B3GAT1: variants seen among roughly 807,000 people sequenced by gnomAD.
B3GAT1 encodes the protein beta-1,3-glucuronyltransferase 1.
In B3GAT1, 11 loss-of-function variants were observed where a neutral mutation model predicts 28.4. That is an observed-to-expected ratio of 0.39 (90% CI 0.24 to 0.64). The LOEUF is 0.64. B3GAT1 is among the 30% of genes least tolerant of loss of function. B3GAT1 has a pLI of 0.50. For synonymous variants in B3GAT1, 255 were observed against 223.1 expected, an observed-to-expected ratio of 1.14 and a Z score of -1.27; for missense variants, 375 against 491.0, an observed-to-expected ratio of 0.76 and a Z score of 2.23.
intron 1 of B3GAT1, among the ~76,000 whole-genome samples, chr11:134,403,726 GA>G (rs1029331752): frequency 5.9e-5 from 9 of 152,018 alleles, no homozygotes; most frequent in African/African-American, 2.2e-4. Context: ...AGAAAATGTG[GA>G]ATACACATGC....
At position 134,383,540 on chromosome 11, in the gene B3GAT1, T is replaced by A. The variant is rs1261818633; in HGVS notation, c.621+140A>T. The A allele has an allele frequency of 4.3e-6, 5 of 1,168,054 alleles. No individual in the cohort carries two copies. The East Asian group carries it at 1.1e-4, about 25-fold the overall frequency. The allele number at this position is 1,168,054 out of a possible 1,614,324, so 72.4% of individuals were successfully genotyped here. A position where few individuals can be genotyped will look rare whatever the true frequency, so the allele number is the denominator to read the frequency against. On this transcript the variant is annotated intron_variant, in intron 3 of 5. Coordinates refer to ENST00000312527, the MANE Select transcript of B3GAT1 (RefSeq NM_054025.3). ...CCGCAGTTCCATCCCTTTCCCTGGC[T>A]CTCTGCTGCCTGCCCCGCTCCCAGC...
At chr11:134,392,651 A>T (rs1049351642) in intron 1 of B3GAT1, among the ~76,000 whole-genome samples, 2 of 152,170 alleles carry the variant, frequency 1.3e-5, no homozygotes, top group African/African-American at 4.8e-5. Context: ...GATTACAGGT[A>T]TGAGCCATGG....
rs2136303955 is a variant in B3GAT1, at chr11:134,383,757, G to A, written c.544C>T (p.Pro182Ser). Residue 182 changes from proline to serine, a missense_variant, in exon 3 of 6, where the codon CCG becomes TCG. Physicochemically the swap from Pro to Ser is moderately conservative, Grantham distance 74. Coordinates refer to ENST00000312527, the MANE Select transcript of B3GAT1 (RefSeq NM_054025.3). ...LALRWLRETF[P>S]RNSSQPGVVY... ...ACGCCAGGCTGGCTGGAGTTGCGCG[G>A]GAAGGTCTCGCGCAGCCAGCGCAGG... 7 of 1,595,970 alleles carry A rather than the reference G, an allele frequency of 4.4e-6. No individual in the cohort carries two copies. Among genetic ancestry groups the A allele is most frequent in the Non-Finnish European group, 5.1e-6 (6 of 1,169,936 alleles).
In B3GAT1 at chr11:134,384,000, C is replaced by T. The variant is rs750508903; in HGVS notation, c.301G>A (p.Glu101Lys). The T allele has an allele frequency of 1.2e-6, 2 of 1,604,696 alleles. No homozygotes were observed. The highest frequency in any genetic ancestry group is 1.7e-6 in the Non-Finnish European group (2 of 1,178,944). ...AGCGTGTTGGCCATGCGCGTCAGCT[C>T]GGCCTTCTGCACCGGGCGGCTGTAG... Reference protein sequence around the residue: ...PTYSRPVQKAELTRMANTLLH... With the variant: ...PTYSRPVQKAKLTRMANTLLH... The change falls in exon 3 of 6, where the codon GAG (glutamate) becomes AAG (lysine). Residue 101 changes from glutamate to lysine, a missense_variant. By Grantham distance (56) the Glu-to-Lys change is moderately conservative. Transcript: ENST00000312527.
Position 134,387,762 on chromosome 11 carries a change from G to A in B3GAT1, c.-103C>T. 6.4e-7 allele frequency: 1 copy of A among 1,558,880 alleles called. No individual in the cohort carries two copies. The highest frequency in any genetic ancestry group is 8.7e-7 in the Non-Finnish European group (1 of 1,154,000). ...GGCAGCACAGGGGAGAAAAGAACAG[G>A]CATGGGCCGGGCCGGCCAGGCATGG... On this transcript the variant is annotated 5_prime_UTR_variant, in exon 2 of 6. Transcript: ENST00000312527.
At chr11:134,394,177 G>T (rs1331784680) in intron 1 of B3GAT1, among the ~76,000 whole-genome samples, 1 of 152,214 alleles carries the variant, frequency 6.6e-6, no homozygotes, top group African/African-American at 2.4e-5. Context: ...CGACTGCAGA[G>T]GGCTGGGGAG....
At chr11:134,403,308 G>A (rs908163561) in intron 1 of B3GAT1, among the ~76,000 whole-genome samples, 1 of 152,178 alleles carries the variant, frequency 6.6e-6, no homozygotes, top group South Asian at 2.1e-4. Context: ...GAGAGCAGGA[G>A]GCTGGCATCC....
Position 134,381,859 on chromosome 11 carries a change from A to C in B3GAT1, c.*14+65T>G, listed in dbSNP as rs1944131181. The C allele has an allele frequency of 1.2e-5, 15 of 1,289,270 alleles. No individual in the cohort carries two copies. The South Asian group carries it at 1.7e-4, about 14-fold the overall frequency. 79.9% of individuals were successfully genotyped at this position (1,289,270 alleles called of 1,614,324 possible). On this transcript the variant is annotated intron_variant, in intron 5 of 5. Transcript: ENST00000312527. Reference sequence around the variant, plus strand: ...AAGCCCAAGAGGAAAAGAATGAGACAGTTGATTCGGCCCAACCTGGTGCCG... The same window carrying C: ...AAGCCCAAGAGGAAAAGAATGAGACCGTTGATTCGGCCCAACCTGGTGCCG...
chr11:134,396,571 T>A (rs1157707288), intron 1 of B3GAT1, among the ~76,000 whole-genome samples: 1 of 152,074 alleles, frequency 6.6e-6, no homozygotes, highest in Admixed American at 6.6e-5. Flanking sequence ...TTTTCCCATC[T>A]GTAAAACGGG....
chr11:134,398,024 C>A (rs1040816588), intron 1 of B3GAT1, among the ~76,000 whole-genome samples: 1 of 152,206 alleles, frequency 6.6e-6, no homozygotes, highest in African/African-American at 2.4e-5. Flanking sequence ...CTCCTCAATG[C>A]GTTGCTTGGA....
chr11:134,401,018 G>C (rs1204176518), intron 1 of B3GAT1, among the ~76,000 whole-genome samples: 3 of 152,206 alleles, frequency 2.0e-5, no homozygotes, highest in Non-Finnish European at 4.4e-5. Context: ...GATCATTAGA[G>C]AGATGCAAAT....
chr11:134,383,948 A>T lies in B3GAT1; in HGVS notation c.353T>A (p.Leu118Gln). 1 of 1,599,052 alleles carries T rather than the reference A, an allele frequency of 6.3e-7. No individual in the cohort carries two copies. Among genetic ancestry groups the T allele is most frequent in the Non-Finnish European group, 8.5e-7 (1 of 1,177,514 alleles). The change falls in exon 3 of 6, where the codon CTG (leucine) becomes CAG (glutamine). Residue 118 changes from leucine (L) to glutamine (Q), a missense_variant. Physicochemically the swap from Leu to Gln is moderately radical, Grantham distance 113 (BLOSUM62 -2). Coordinates refer to ENST00000312527, the MANE Select transcript of B3GAT1 (RefSeq NM_054025.3). Reference protein sequence around the residue: ...TLLHVPNLHWLVVEDAPRRTP... With the variant: ...TLLHVPNLHWQVVEDAPRRTP... ...CCGGCGCGGCGCATCCTCCACCACC[A>T]GCCAGTGGAGGTTGGGCACGTGCAG... is the stretch of plus-strand genomic sequence containing the variant.
intron 1 of B3GAT1, among the ~76,000 whole-genome samples, chr11:134,410,151 C>T (rs1034605380): frequency 5.9e-5 from 9 of 152,230 alleles, no homozygotes; most frequent in Admixed American, 2.0e-4. Flanking sequence ...CCTTGGTCTC[C>T]GCCACGGGCT....
intron 1 of B3GAT1, chr11:134,389,145 A>T (rs772594023): frequency 1.3e-5 from 2 of 152,268 alleles, no homozygotes; most frequent in Non-Finnish European, 2.9e-5. Context: ...AGTAATAGCC[A>T]TTCTGACTGG....
At chr11:134,398,619 A>G (rs1289703908) in intron 1 of B3GAT1, among the ~76,000 whole-genome samples, 1 of 152,226 alleles carries the variant, frequency 6.6e-6, no homozygotes, top group East Asian at 1.9e-4. Context: ...TCCCAGGTCC[A>G]GATAGAAAGC....
chr11:134,392,208 A>C (rs1477512840), intron 1 of B3GAT1: 1 of 152,156 alleles, frequency 6.6e-6, no homozygotes, highest in Admixed American at 6.6e-5. Context: ...CTGAGTCCTG[A>C]CTTAAGGGCC....
intron 2 of B3GAT1, 40 bp from the exon 3 acceptor site, chr11:134,384,228 C>T (rs61908688): frequency 2.6e-4 from 388 of 1,510,498 alleles, no homozygotes; most frequent in Non-Finnish European, 3.3e-4. Context: ...AGGAGAGCGC[C>T]GGCTACGGCC....
At chr11:134,404,033 A>ATTTATTTAT (rs1555098489) in intron 1 of B3GAT1, among the ~76,000 whole-genome samples, 1 of 110,834 alleles carries the variant, frequency 9.0e-6, no homozygotes, top group Non-Finnish European at 1.8e-5. Flanking sequence ...ATATATATTT[A>ATTTATTTAT]TTATACGTTA....
intron 1 of B3GAT1, among the ~76,000 whole-genome samples, chr11:134,408,780 G>A (rs1440276892): frequency 1.8e-5 from 2 of 112,048 alleles, no homozygotes; most frequent in African/African-American, 7.5e-5. Flanking sequence ...GTGGGGTGAG[G>A]AGGGAGGTGG....
Sources: gnomAD v4.1 joint callset for allele counts (sites outside exome capture counted in the v4.1 genomes callset) on GRCh38, gnomAD v4.1.1 for gene constraint, MANE v1.5 for transcripts, NCBI Gene and HGNC (gene_info 2026-07-23, HGNC 2026-07-21) for gene names.